The following FRYL variants were observed in gnomAD, a reference collection of about 807,000 sequenced individuals.
The protein encoded by FRYL is FRY like transcription coactivator.
Under a neutral mutation model 351.2 loss-of-function variants are expected in FRYL, and 150 were observed. The ratio of observed to expected loss-of-function variants is 0.43; its 90% CI spans 0.37 to 0.49. The LOEUF is 0.49. Ranked by LOEUF, FRYL falls within the 20% of genes least tolerant of loss-of-function variation. The probability of loss-of-function intolerance (pLI) is 0.00; values close to 1 mark genes in which losing one functional copy is unlikely to be tolerated. For synonymous variants in FRYL, 1,153 were observed against 1,257.1 expected (o/e 0.92, Z 1.75); for missense variants, 3,036 against 3,619.3 (o/e 0.84, Z 4.13).
At chr4:48,637,356 G>C (rs183158252) in intron 3 of FRYL, 224 of 152,034 alleles carry the variant, frequency 1.5e-3, no homozygotes, top group African/African-American at 5.0e-3. Flanking sequence ...CTGCTAATAG[G>C]AGAGAAACAG....
chr4:48,558,074 A>G (rs1480828555), intron 33 of FRYL, among the ~76,000 whole-genome samples: 2 of 152,234 alleles, frequency 1.3e-5, no homozygotes, highest in Non-Finnish European at 2.9e-5. Flanking sequence ...TACATTGAAA[A>G]AAATTGAAAG....
intron 3 of FRYL, among the ~76,000 whole-genome samples, chr4:48,636,277 A>C (rs1269985713): frequency 6.6e-6 from 1 of 152,116 alleles, no homozygotes; most frequent in Non-Finnish European, 1.5e-5. Context: ...TCTAATTTTT[A>C]AAAAATTATT....
chr4:48,623,007 T>C, intron 5 of FRYL, 119 bp downstream of exon 5: 1 of 634,254 alleles, frequency 1.6e-6, no homozygotes, highest in Non-Finnish European at 2.7e-6. Flanking sequence ...TAGAATGAAT[T>C]AAGCATACAA....
chr4:48,690,427 T>C (rs1765581132), intron 2 of FRYL, among the ~76,000 whole-genome samples: 1 of 152,142 alleles, frequency 6.6e-6, no homozygotes, highest in East Asian at 1.9e-4. Flanking sequence ...CTTTCTTTAC[T>C]GATTTCATTA....
chr4:48,666,190 T>C (rs766480864), intron 3 of FRYL, among the ~76,000 whole-genome samples: 2 of 152,068 alleles, frequency 1.3e-5, no homozygotes, highest in Admixed American at 1.3e-4. Flanking sequence ...GGTGAAACTC[T>C]GTCTCTACTA....
intron 32 of FRYL, among the ~76,000 whole-genome samples, chr4:48,561,998 AGAGT>A (rs1735628116): frequency 6.6e-6 from 1 of 152,196 alleles, no homozygotes; most frequent in Admixed American, 6.5e-5. Context: ...CCTGGGTGAC[AGAGT>A]GAGACCCTAT....
intron 5 of FRYL, among the ~76,000 whole-genome samples, chr4:48,621,740 T>G (rs1181130635): frequency 3.3e-5 from 5 of 152,314 alleles, no homozygotes; most frequent in Non-Finnish European, 7.4e-5. Context: ...ATTGAACATT[T>G]AATTTTCCTG....
chr4:48,589,295 G>A (rs1742776451), intron 18 of FRYL, among the ~76,000 whole-genome samples: 1 of 151,352 alleles, frequency 6.6e-6, no homozygotes, highest in South Asian at 2.1e-4. Flanking sequence ...GTAGTGTTTC[G>A]AAAAAAACTG....
At chr4:48,657,745 C>T (rs999606270) in intron 3 of FRYL, among the ~76,000 whole-genome samples, 5 of 123,580 alleles carry the variant, frequency 4.0e-5, no homozygotes, top group Admixed American at 2.7e-4. Flanking sequence ...TTAAAGAAGG[C>T]TTTTTAAATG....
chr4:48,730,429 T>A (rs1770593790), intron 1 of FRYL, among the ~76,000 whole-genome samples: 9 of 152,082 alleles, frequency 5.9e-5, no homozygotes, highest in Admixed American at 5.9e-4. Flanking sequence ...GCCACGTAAT[T>A]GTCAGATTCA....
At position 48,594,012 on chromosome 4, in the gene FRYL, C is replaced by T. The variant is rs1324347240; in HGVS notation, c.1253G>A (p.Arg418His). ...TATTTCTTTCATTGCAAAATCCAAG[C>T]GTTCCTTAAAAAAAAAAAAATCCTT... Reference protein sequence around the residue: ...VKIIQFIAQERLDFAMKEIIF... With the variant: ...VKIIQFIAQEHLDFAMKEIIF... The change falls in exon 16 of 64, where the codon CGC becomes CAC. Residue 418 changes from arginine to histidine, a missense_variant. Physicochemically the swap from Arg to His is conservative, Grantham distance 29 (BLOSUM62 0). Coordinates refer to ENST00000358350, the MANE Select transcript of FRYL (RefSeq NM_015030.2). 2.7e-6 allele frequency: 4 copies of T among 1,456,236 alleles called. No individual in the cohort carries two copies. Among genetic ancestry groups the T allele is most frequent in the Non-Finnish European group, 3.6e-6 (4 of 1,099,448 alleles). The allele number at this position is 1,456,236 out of a possible 1,614,324, so 90.2% of individuals were successfully genotyped here. A position where few individuals can be genotyped will look rare whatever the true frequency, so the allele number is the denominator to read the frequency against.
chr4:48,744,546 T>C (rs1256090328), intron 1 of FRYL, among the ~76,000 whole-genome samples: 2 of 152,196 alleles, frequency 1.3e-5, no homozygotes, highest in Admixed American at 1.3e-4. Context: ...TATGCCTGAT[T>C]TTTTTTCTTT....
intron 3 of FRYL, among the ~76,000 whole-genome samples, chr4:48,675,900 C>A (rs1487480656): frequency 1.3e-5 from 2 of 152,210 alleles, no homozygotes; most frequent in Non-Finnish European, 2.9e-5. Flanking sequence ...TTTGTAAATA[C>A]ACCAATCAGC....
chr4:48,776,851 T>C (rs981845062), intron 1 of FRYL, among the ~76,000 whole-genome samples: 1 of 152,228 alleles, frequency 6.6e-6, no homozygotes, highest in Non-Finnish European at 1.5e-5. Flanking sequence ...TTTAAAAATA[T>C]ATTTTCTAAA....
intron 52 of FRYL, 144 bp downstream of exon 52, chr4:48,527,827 C>A: frequency 1.1e-6 from 1 of 932,534 alleles, no homozygotes; most frequent in Non-Finnish European, 1.6e-6. Context: ...TGCCAGGTGT[C>A]ACAAGAGATA....
intron 3 of FRYL, among the ~76,000 whole-genome samples, chr4:48,653,233 C>G (rs1348949717): frequency 6.6e-6 from 1 of 152,066 alleles, no homozygotes; most frequent in East Asian, 1.9e-4. Flanking sequence ...ATGAAAATTA[C>G]ACATTATAAC....
intron 3 of FRYL, among the ~76,000 whole-genome samples, chr4:48,649,912 A>G (rs1339661974): frequency 6.6e-6 from 1 of 152,242 alleles, no homozygotes; most frequent in Non-Finnish European, 1.5e-5. Context: ...ATAATTAATG[A>G]TGAACTATAA....
At chr4:48,658,660 G>A (rs1364388092) in intron 3 of FRYL, among the ~76,000 whole-genome samples, 1 of 151,754 alleles carries the variant, frequency 6.6e-6, no homozygotes. Context: ...AGGATGAGGT[G>A]GGAGGATCAA....
intron 3 of FRYL, among the ~76,000 whole-genome samples, chr4:48,654,864 T>C (rs1578549709): frequency 6.6e-6 from 1 of 152,300 alleles, no homozygotes; most frequent in Non-Finnish European, 1.5e-5. Flanking sequence ...ACAAATAATA[T>C]GTCATTATCA....
Sources: allele counts gnomAD v4.1 joint callset (sites outside exome capture counted in the v4.1 genomes callset), GRCh38; gene constraint gnomAD v4.1.1; transcripts MANE v1.5; gene names NCBI Gene and HGNC (gene_info 2026-07-23, HGNC 2026-07-21).